The following CHST9 variants were observed in gnomAD, a reference collection of about 807,000 sequenced individuals.
CHST9 encodes GalNAc-4-sulfotransferase 2.
CHST9 carries 41 observed loss-of-function variants against 44.4 expected under a neutral mutation model. The observed-to-expected ratio is 0.92, with a 90% CI of 0.72 to 1.20. CHST9 has a LOEUF of 1.20. Ranked by LOEUF, CHST9 falls within the 50% of genes most tolerant of loss-of-function variation. The pLI, the probability that CHST9 is intolerant of heterozygous loss-of-function variation, is 0.00. For synonymous variants in CHST9, 171 were observed against 178.4 expected, an observed-to-expected ratio of 0.96 and a Z score of 0.33; for missense variants, 504 against 516.5, an observed-to-expected ratio of 0.98 and a Z score of 0.23.
chr18:26,959,207 T>C (rs1013277502), intron 4 of CHST9, among the ~76,000 whole-genome samples: 1 of 152,320 alleles, frequency 6.6e-6, no homozygotes, highest in African/African-American at 2.4e-5. Context: ...AGCAAATTAA[T>C]ATCCAGGAAC....
chr18:27,073,572 A>G (rs758492762), intron 2 of CHST9, among the ~76,000 whole-genome samples: 6 of 152,090 alleles, frequency 3.9e-5, no homozygotes, highest in Admixed American at 3.3e-4. Flanking sequence ...GGAAGATGGC[A>G]TAGCCTAGAC....
chr18:26,907,008 G>A lies in CHST9; in HGVS notation c.*9251C>T, dbSNP rs1598539651. 1 of 152,238 alleles carries A rather than the reference G, an allele frequency of 6.6e-6. No individual in the cohort carries two copies. The highest frequency in any genetic ancestry group is 1.5e-5 in the Non-Finnish European group (1 of 68,058). 9.4% of individuals were successfully genotyped at this position (152,238 alleles called of 1,614,324 possible). On this transcript the variant is annotated 3_prime_UTR_variant, in exon 6 of 6. Transcript: ENST00000618847. ...GATCATGCAGGATATAGAATGTATA[G>A]TGGGAAACAGAACTGGAATTGGATT...
At chr18:26,939,160 A>C (rs2056044758) in intron 5 of CHST9, among the ~76,000 whole-genome samples, 1 of 152,234 alleles carries the variant, frequency 6.6e-6, no homozygotes, top group Non-Finnish European at 1.5e-5. Context: ...GAAAATATCT[A>C]TAGCAAAAGG....
chr18:27,116,393 G>C (rs2058320950), intron 2 of CHST9, among the ~76,000 whole-genome samples: 1 of 152,136 alleles, frequency 6.6e-6, no homozygotes, highest in African/African-American at 2.4e-5. Context: ...CCATTAAACT[G>C]TCTTGCCAAC....
chr18:26,997,990 T>G (rs1488310153), intron 4 of CHST9, among the ~76,000 whole-genome samples: 1 of 152,256 alleles, frequency 6.6e-6, no homozygotes, highest in Non-Finnish European at 1.5e-5. Flanking sequence ...CCATTCTGCA[T>G]AGCTAGTAAT....
intron 4 of CHST9, among the ~76,000 whole-genome samples, chr18:26,988,981 A>G (rs2056785421): frequency 6.6e-6 from 1 of 152,130 alleles, no homozygotes. Context: ...GAATTTTAAA[A>G]ATGTCCCTAA....
At chr18:26,967,935 G>A (rs1373196315) in intron 4 of CHST9, among the ~76,000 whole-genome samples, 3 of 152,136 alleles carry the variant, frequency 2.0e-5, no homozygotes, top group Non-Finnish European at 2.9e-5. Context: ...TCCTGCCCTC[G>A]AACATCAGAC....
Position 26,916,944 on chromosome 18 carries a change from T to G in CHST9, c.647A>C (p.Tyr216Ser), listed in dbSNP as rs770018817. 36 of 1,613,636 alleles carry G rather than the reference T, an allele frequency of 2.2e-5. No homozygotes were observed. In the South Asian group the frequency reaches 3.8e-4, roughly 17 times the overall value. The change falls in exon 6 of 6, where the codon TAT becomes TCT. Residue 216 changes from tyrosine (Y) to serine (S), a missense_variant. Tyr to Ser is a moderately radical substitution (Grantham distance 144). Coordinates refer to ENST00000618847, the MANE Select transcript of CHST9 (RefSeq NM_031422.6). Reference protein sequence around the residue: ...IYVEDKHKILYCEVPKAGCSN... With the variant: ...IYVEDKHKILSCEVPKAGCSN... ...ACAGCCAGCCTTAGGTACCTCACAA[T>G]ATAAGATTTTGTGTTTATCTTCTAC... is the stretch of plus-strand genomic sequence containing the variant.
At chr18:27,085,042 G>C (rs2057998699) in intron 2 of CHST9, among the ~76,000 whole-genome samples, 1 of 151,930 alleles carries the variant, frequency 6.6e-6, no homozygotes, top group African/African-American at 2.4e-5. Context: ...TATCTTATTG[G>C]GAATTGCTTT....
chr18:27,013,352 T>A (rs1221535231), intron 4 of CHST9, among the ~76,000 whole-genome samples: 1 of 152,244 alleles, frequency 6.6e-6, no homozygotes, highest in East Asian at 1.9e-4. Flanking sequence ...TGAATTATTA[T>A]GTTATTTACC....
intron 2 of CHST9, among the ~76,000 whole-genome samples, chr18:27,052,818 A>C (rs1457124172): frequency 6.6e-6 from 1 of 152,088 alleles, no homozygotes; most frequent in Non-Finnish European, 1.5e-5. Context: ...GAACTAACAC[A>C]GGAACAGAAA....
intron 3 of CHST9, among the ~76,000 whole-genome samples, chr18:27,033,868 G>A (rs532707144): frequency 1.3e-4 from 20 of 152,200 alleles, no homozygotes; most frequent in Admixed American, 3.3e-4. Context: ...AACATGCTCC[G>A]GCTCCTGTGC....
chr18:27,148,501 T>C (rs1481893336), intron 1 of CHST9, among the ~76,000 whole-genome samples: 1 of 142,678 alleles, frequency 7.0e-6, no homozygotes, highest in Non-Finnish European at 1.5e-5. Context: ...AGTGAGAACA[T>C]GCGGTGTTTG....
At chr18:27,151,670 A>G (rs983809028) in intron 1 of CHST9, among the ~76,000 whole-genome samples, 4 of 152,210 alleles carry the variant, frequency 2.6e-5, no homozygotes, top group African/African-American at 9.7e-5. Flanking sequence ...TGTGATATTA[A>G]GAACGACTGG....
intron 2 of CHST9, among the ~76,000 whole-genome samples, chr18:27,127,911 A>ATCT (rs1353239910): frequency 6.6e-6 from 1 of 152,164 alleles, no homozygotes; most frequent in African/African-American, 2.4e-5. Flanking sequence ...GATACTAGCC[A>ATCT]TCTCTTTTCT....
chr18:26,981,652 A>G (rs2056693385), intron 4 of CHST9, among the ~76,000 whole-genome samples: 1 of 152,172 alleles, frequency 6.6e-6, no homozygotes, highest in African/African-American at 2.4e-5. Context: ...TTCTGTGGGT[A>G]ATTATCCCAC....
At chr18:27,155,219 T>C (rs2058690170) in intron 1 of CHST9, among the ~76,000 whole-genome samples, 1 of 152,176 alleles carries the variant, frequency 6.6e-6, no homozygotes, top group Admixed American at 6.6e-5. Context: ...GAAGAATGCT[T>C]TGCCCATAGA....
rs994087715 is a variant in CHST9 at position 26,958,049 on chromosome 18, G to A, written c.203-13683C>T. Among the ~76,000 whole-genome samples the A allele has an allele frequency of 9.4e-5, 11 of 116,512 alleles. 1 individual carries two copies. Among genetic ancestry groups the A allele is most frequent in the Non-Finnish European group, 2.0e-4 (10 of 50,390 alleles). 76.4% of individuals were successfully genotyped at this position (116,512 alleles called of 152,430 possible). A position where few individuals can be genotyped will look rare whatever the true frequency, so the allele number is the denominator to read the frequency against. ...TTACAGGCATGCACCACCACACCTG[G>A]CTAATTTTGTATTTTTAGTAGACAT... On this transcript the variant is annotated intron_variant, in intron 4 of 5. Transcript: ENST00000618847.
intron 4 of CHST9, among the ~76,000 whole-genome samples, chr18:27,008,912 G>GT (rs34156224): frequency 0.35 from 50,875 of 144,860 alleles, 9,257 homozygotes; most frequent in East Asian, 0.47. Context: ...GTTCTGTTCT[G>GT]TTTTTTTTTT....
Sources: gnomAD v4.1 joint callset for allele counts (sites outside exome capture counted in the v4.1 genomes callset) on GRCh38, gnomAD v4.1.1 for gene constraint, MANE v1.5 for transcripts, NCBI Gene and HGNC (gene_info 2026-07-23, HGNC 2026-07-21) for gene names.